Variants in AUTS2 observed in about 807,000 individuals in gnomAD.
The protein encoded by AUTS2 is autism susceptibility gene 2 protein.
AUTS2 carries 17 observed loss-of-function variants against 112.4 expected under a neutral mutation model. The ratio of observed to expected loss-of-function variants is 0.15; its 90% confidence interval spans 0.10 to 0.23. AUTS2 has a LOEUF of 0.23. Among genes scored for constraint, AUTS2 ranks in the 10% least tolerant of loss-of-function variants. AUTS2 has a pLI of 1.00. For synonymous variants in AUTS2, 751 were observed against 702.7 expected (o/e 1.07, Z -1.09); for missense variants, 1,510 against 1,701.6 (o/e 0.89, Z 1.98).
intron 2 of AUTS2, among the ~76,000 whole-genome samples, chr7:70,098,889 A>T (rs575300392): frequency 6.6e-6 from 1 of 151,720 alleles, no homozygotes; most frequent in Non-Finnish European, 1.5e-5. Flanking sequence ...TTTAGTAGAG[A>T]TGGGGTTTCT....
chr7:70,274,579 C>A (rs1787841572), intron 4 of AUTS2, among the ~76,000 whole-genome samples: 1 of 152,178 alleles, frequency 6.6e-6, no homozygotes, highest in African/African-American at 2.4e-5. Flanking sequence ...GAATAAGACA[C>A]TGTGCCCAGC....
intron 4 of AUTS2, among the ~76,000 whole-genome samples, chr7:70,146,335 A>AT (rs937513797): frequency 2.6e-5 from 4 of 151,818 alleles, no homozygotes; most frequent in Non-Finnish European, 4.4e-5. Context: ...ACTGGGTGTG[A>AT]TTTTTGTTAT....
At chr7:69,862,882 G>A (rs1316656131) in intron 1 of AUTS2, among the ~76,000 whole-genome samples, 2 of 152,132 alleles carry the variant, frequency 1.3e-5, no homozygotes, top group African/African-American at 4.8e-5. Flanking sequence ...GATATTAAAT[G>A]GATAGTCCTG....
chr7:70,205,270 A>G (rs1311254048), intron 4 of AUTS2, among the ~76,000 whole-genome samples: 1 of 151,504 alleles, frequency 6.6e-6, no homozygotes, highest in Non-Finnish European at 1.5e-5. Flanking sequence ...CTGGTCTTGA[A>G]CTCTTAGCCT....
chr7:70,300,723 AT>A (rs977530432), intron 4 of AUTS2, among the ~76,000 whole-genome samples: 1 of 152,108 alleles, frequency 6.6e-6, no homozygotes, highest in African/African-American at 2.4e-5. Flanking sequence ...TCCAGGAAAT[AT>A]TTTTTACCTA....
In AUTS2 at chr7:69,732,984, C is replaced by T. The variant is rs190660109; in HGVS notation, c.309+133022C>T. 1.4e-3 allele frequency among the ~76,000 whole-genome samples: 208 copies of T among 152,286 alleles called. 2 individuals carry two copies. The highest frequency in any genetic ancestry group is 0.013 in the Admixed American group (205 of 15,294). On this transcript the variant is annotated intron_variant, in intron 1 of 18. Coordinates refer to ENST00000342771, the MANE Select transcript of AUTS2 (RefSeq NM_015570.4). The stretch of plus-strand genomic sequence containing the variant: ...AACATAGATTGGTGTTTAATTTCTA[C>T]TTAAGGGTGTCTTTTGAGAAGAACA...
At chr7:70,561,378 A>G (rs950946499) in intron 5 of AUTS2, among the ~76,000 whole-genome samples, 8 of 152,238 alleles carry the variant, frequency 5.3e-5, no homozygotes, top group African/African-American at 1.9e-4. Flanking sequence ...TTGTAATCCC[A>G]GCACTTTGGG....
chr7:70,569,916 CCAAAA>C (rs1204991255), intron 5 of AUTS2, among the ~76,000 whole-genome samples: 1 of 151,238 alleles, frequency 6.6e-6, no homozygotes, highest in African/African-American at 2.4e-5. Context: ...TTTTTTTCTC[CCAAAA>C]CAAAACTCAA....
intron 5 of AUTS2, among the ~76,000 whole-genome samples, chr7:70,539,863 C>T (rs1300151060): frequency 2.6e-5 from 4 of 152,118 alleles, no homozygotes; most frequent in Admixed American, 6.5e-5. Context: ...ACAAAACCAG[C>T]GCTGCCCGCC....
intron 5 of AUTS2, among the ~76,000 whole-genome samples, chr7:70,538,113 T>C (rs1276402448): frequency 6.6e-6 from 1 of 152,112 alleles, no homozygotes; most frequent in Non-Finnish European, 1.5e-5. Context: ...GGCGTGCACC[T>C]ATAGTCCCAG....
chr7:69,731,398 G>C (rs951336453), intron 1 of AUTS2, among the ~76,000 whole-genome samples: 1 of 152,262 alleles, frequency 6.6e-6, no homozygotes, highest in Admixed American at 6.5e-5. Flanking sequence ...AGTAATTTTA[G>C]CTCTCTAAAC....
At chr7:70,681,369 G>A (rs1190864769) in intron 5 of AUTS2, among the ~76,000 whole-genome samples, 2 of 152,090 alleles carry the variant, frequency 1.3e-5, no homozygotes, top group African/African-American at 4.8e-5. Context: ...GCCCCCACCC[G>A]CTGTCACTTG....
chr7:70,581,646 T>C (rs772707157), intron 5 of AUTS2, among the ~76,000 whole-genome samples: 2 of 151,476 alleles, frequency 1.3e-5, no homozygotes, highest in African/African-American at 2.4e-5. Context: ...CACAGTACTC[T>C]CACCCACCTG....
At chr7:69,844,424 T>A (rs1792108307) in intron 1 of AUTS2, among the ~76,000 whole-genome samples, 1 of 152,154 alleles carries the variant, frequency 6.6e-6, no homozygotes. Context: ...TAGCTTTCAG[T>A]CATTCAGTGA....
At chr7:70,418,127 G>A (rs1391682583) in intron 4 of AUTS2, among the ~76,000 whole-genome samples, 3 of 149,506 alleles carry the variant, frequency 2.0e-5, no homozygotes, top group African/African-American at 7.3e-5. Flanking sequence ...GTGTGTAGAC[G>A]GGGTCTTACC....
intron 4 of AUTS2, among the ~76,000 whole-genome samples, chr7:70,234,665 A>G (rs937364313): frequency 1.3e-5 from 2 of 152,142 alleles, no homozygotes; most frequent in African/African-American, 2.4e-5. Context: ...CTCTGATTCA[A>G]CAGCCCACAC....
intron 6 of AUTS2, among the ~76,000 whole-genome samples, chr7:70,731,789 C>A (rs1011941812): frequency 1.3e-5 from 2 of 151,968 alleles, no homozygotes; most frequent in African/African-American, 4.8e-5. Flanking sequence ...TCCGTTTCTT[C>A]CTCCCCTTCC....
At chr7:69,805,747 A>G (rs1790273432) in intron 1 of AUTS2, among the ~76,000 whole-genome samples, 1 of 152,158 alleles carries the variant, frequency 6.6e-6, no homozygotes. Context: ...ACCAACCTTT[A>G]TTTCTCTATG....
chr7:69,732,856 C>T (rs371007746), intron 1 of AUTS2, among the ~76,000 whole-genome samples: 1 of 152,304 alleles, frequency 6.6e-6, no homozygotes, highest in East Asian at 1.9e-4. Flanking sequence ...CCTGGCACAG[C>T]TTTTATTCTG....
Sources: gnomAD v4.1 joint callset for allele counts (sites outside exome capture counted in the v4.1 genomes callset) on GRCh38, gnomAD v4.1.1 for gene constraint, MANE v1.5 for transcripts, NCBI Gene and HGNC (gene_info 2026-07-23, HGNC 2026-07-21) for gene names.